Variants in AGO2 observed in about 807,000 individuals in gnomAD.
The protein encoded by AGO2 is protein argonaute-2.
A neutral mutation model predicts 102.3 loss-of-function variants in AGO2; 5 were observed. That is an observed-to-expected ratio of 0.05 (90% CI 0.03 to 0.10). AGO2 has a LOEUF of 0.10. Among genes scored for constraint, AGO2 ranks in the 10% least tolerant of loss-of-function variants. The probability of loss-of-function intolerance (pLI) is 1.00; values close to 1 mark genes in which losing one functional copy is unlikely to be tolerated. For synonymous variants in AGO2, 449 were observed against 473.1 expected (o/e 0.95, Z 0.66); for missense variants, 541 against 1,183.7 (o/e 0.46, Z 7.97).
intron 1 of AGO2, among the ~76,000 whole-genome samples, chr8:140,632,590 A>G (rs2074355393): frequency 6.6e-6 from 1 of 152,250 alleles, no homozygotes; most frequent in Non-Finnish European, 1.5e-5. Context: ...ATAAGAGACA[A>G]TATCCTGGGG....
intron 1 of AGO2, among the ~76,000 whole-genome samples, chr8:140,598,519 G>A (rs997779689): frequency 1.3e-5 from 2 of 152,192 alleles, no homozygotes; most frequent in African/African-American, 2.4e-5. Flanking sequence ...TTCCCTGTGC[G>A]TACAAGCCCA....
intron 2 of AGO2, among the ~76,000 whole-genome samples, chr8:140,578,516 G>A (rs542893645): frequency 6.6e-6 from 1 of 152,286 alleles, no homozygotes; most frequent in East Asian, 1.9e-4. Flanking sequence ...CCTTCGTTTC[G>A]AGCCGGCGCA....
At chr8:140,638,165 A>G (rs540769287), upstream of AGO2, 199 of 152,404 alleles carry the variant, frequency 1.3e-3, 1 homozygote, top group Non-Finnish European at 2.4e-3. Flanking sequence ...AGAAGGGGTG[A>G]GGGGAAGTAC....
chr8:140,604,798 G>T (rs1482638744), intron 1 of AGO2, among the ~76,000 whole-genome samples: 2 of 150,702 alleles, frequency 1.3e-5, no homozygotes, highest in Non-Finnish European at 3.0e-5. Context: ...CTGCACTCCA[G>T]CCTGGGCGAC....
At chr8:140,602,443 C>T (rs1564110910) in intron 1 of AGO2, among the ~76,000 whole-genome samples, 1 of 152,178 alleles carries the variant, frequency 6.6e-6, no homozygotes, top group Non-Finnish European at 1.5e-5. Context: ...AATCACTGTA[C>T]ATTGTGAAAA....
rs2073124688 is a variant in AGO2 at position 140,557,754 on chromosome 8, G to A, written c.879-518C>T. Reference sequence around the variant, plus strand: ...AGGGTTGGCCTCTGTGTGGGGATGAGGGCACGGGGGCTGCTAGTGCAGGGC... The same window carrying A: ...AGGGTTGGCCTCTGTGTGGGGATGAAGGCACGGGGGCTGCTAGTGCAGGGC... On this transcript the variant is annotated intron_variant, in intron 7 of 18. Coordinates refer to ENST00000220592, the MANE Select transcript of AGO2 (RefSeq NM_012154.5). The surrounding 1 kb of genome is among the most constrained non-coding windows in gnomAD (Gnocchi z 5.9). 6.6e-6 allele frequency among the ~76,000 whole-genome samples: 1 copy of A among 152,210 alleles called. No homozygotes were observed. The highest frequency in any genetic ancestry group is 1.5e-5 in the Non-Finnish European group (1 of 68,036).
At chr8:140,549,794 C>T (rs1453368366) in intron 11 of AGO2, among the ~76,000 whole-genome samples, 3 of 152,244 alleles carry the variant, frequency 2.0e-5, no homozygotes, top group Non-Finnish European at 2.9e-5. Flanking sequence ...TGTATGACAT[C>T]ATCACGAGAG....
chr8:140,627,014 G>A (rs956087655), intron 1 of AGO2, among the ~76,000 whole-genome samples: 1 of 152,124 alleles, frequency 6.6e-6, no homozygotes, highest in Non-Finnish European at 1.5e-5. Context: ...CACACCAGGC[G>A]CCACACACAC....
intron 1 of AGO2, among the ~76,000 whole-genome samples, chr8:140,616,652 G>A (rs536412166): frequency 6.6e-6 from 1 of 152,150 alleles, no homozygotes; most frequent in Admixed American, 6.5e-5. Context: ...TACAGAGGAG[G>A]AGCTGACACA....
intron 12 of AGO2, among the ~76,000 whole-genome samples, chr8:140,548,255 G>A (rs2072936228): frequency 6.7e-6 from 1 of 148,378 alleles, no homozygotes; most frequent in African/African-American, 2.5e-5. Flanking sequence ...GGCAGAGATT[G>A]CAGTGAGCCA....
intron 5 of AGO2, among the ~76,000 whole-genome samples, chr8:140,560,061 C>T (rs867379205): frequency 6.6e-6 from 1 of 152,342 alleles, no homozygotes; most frequent in Middle Eastern, 3.4e-3. Flanking sequence ...AGGGACAGGC[C>T]ACACCCAGGC....
chr8:140,526,388 AC>A lies in AGO2; in HGVS notation c.*5655del, dbSNP rs2072506545. The A allele has an allele frequency of 6.6e-6, 1 of 151,676 alleles. No individual in the cohort carries two copies. The highest frequency in any genetic ancestry group is 2.1e-4 in the South Asian group (1 of 4,774). The allele number at this position is 151,676 out of a possible 1,614,324, so 9.4% of individuals were successfully genotyped here. The stretch of plus-strand genomic sequence containing the variant: ...GCCGTTATGCCGTCCCGTGCAGAGA[AC>A]CCTCCCATGCCATTCGTGCCGGCCG... On this transcript the variant is annotated 3_prime_UTR_variant, in exon 19 of 19. Transcript: ENST00000220592. The surrounding 1 kb of genome is among the most constrained non-coding windows in gnomAD (Gnocchi z 5.2).
chr8:140,636,950 T>A (rs1170345856), upstream of AGO2: 1 of 152,166 alleles, frequency 6.6e-6, no homozygotes, highest in East Asian at 1.9e-4. Flanking sequence ...AAAATTAAAC[T>A]GCATTCTTTA....
chr8:140,539,587 G>C lies in AGO2; in HGVS notation c.2035-133C>G. ...GAGACAATGAGTGTGTTCACGGGGA[G>C]GTGAAAACACGGGGGCAGAAACCAT... On this transcript the variant is annotated intron_variant, in intron 15 of 18. Transcript: ENST00000220592. This position sits in a 1 kb window ranked among gnomAD's most constrained non-coding sequence, Gnocchi z 4.7. 9.2e-7 allele frequency: 1 copy of C among 1,089,446 alleles called. No individual in the cohort carries two copies. Among genetic ancestry groups the C allele is most frequent in the Non-Finnish European group, 1.3e-6 (1 of 768,908 alleles). The allele number at this position is 1,089,446 out of a possible 1,614,324, so 67.5% of individuals were successfully genotyped here.
chr8:140,610,141 GC>G lies in AGO2; in HGVS notation c.23-24831del, dbSNP rs1438371490. ...GATTGCTTGAGCCAGGGATGTTGAG[GC>G]TGCAGTGGGCTATGATCAGCCACTG... On this transcript the variant is annotated intron_variant, in intron 1 of 18. Coordinates refer to ENST00000220592, the MANE Select transcript of AGO2 (RefSeq NM_012154.5). 7.2e-5 allele frequency among the ~76,000 whole-genome samples: 11 copies of G among 151,872 alleles called. No individual in the cohort carries two copies. In the East Asian group the frequency reaches 2.1e-3, roughly 29 times the overall value.
rs112182891 is a variant in AGO2 at position 140,566,033 on chromosome 8, C to CA, written c.337-3400dup. Among the ~76,000 whole-genome samples, 970 of 126,058 alleles carry CA rather than the reference C, an allele frequency of 7.7e-3. 5 individuals are homozygous for CA. The highest frequency in any genetic ancestry group is 0.02 in the African/African-American group (688 of 34,380). 82.7% of individuals were successfully genotyped at this position (126,058 alleles called of 152,430 possible). Reference sequence around the variant, plus strand: ...AGCCTGGGTAACAGAGAAATTGTTTCAAAAAAAAAAAAAAAGTTATGAATG... The same window carrying CA: ...AGCCTGGGTAACAGAGAAATTGTTTCAAAAAAAAAAAAAAAAGTTATGAATG... On this transcript the variant is annotated intron_variant, in intron 3 of 18. Coordinates refer to ENST00000220592, the MANE Select transcript of AGO2 (RefSeq NM_012154.5).
At chr8:140,584,054 G>A (rs187654316) in intron 2 of AGO2, among the ~76,000 whole-genome samples, 39 of 151,328 alleles carry the variant, frequency 2.6e-4, no homozygotes, top group Admixed American at 1.7e-3. Flanking sequence ...CTGTCGCTCC[G>A]GAGGATGCTT....
chr8:140,600,680 CAAA>C (rs34175261), intron 1 of AGO2, among the ~76,000 whole-genome samples: 1 of 129,124 alleles, frequency 7.7e-6, no homozygotes, highest in Non-Finnish European at 1.7e-5. Context: ...AACTCCGTGT[CAAA>C]AAAAAAAAAA....
At chr8:140,541,092 G>A (rs1014934159) in intron 15 of AGO2, 72 bp downstream of exon 15, 8 of 1,415,686 alleles carry the variant, frequency 5.7e-6, no homozygotes, top group Non-Finnish European at 7.6e-6. Context: ...TTCATCGAGC[G>A]TGGTTCTGCT....
Sources: allele counts gnomAD v4.1 joint callset (sites outside exome capture counted in the v4.1 genomes callset), GRCh38; gene constraint gnomAD v4.1.1; non-coding constraint Gnocchi (gnomAD v3.1); transcripts MANE v1.5; gene names NCBI Gene and HGNC (gene_info 2026-07-23, HGNC 2026-07-21).